MIB1: variants seen among roughly 807,000 people sequenced by gnomAD.
MIB1 encodes MIB E3 ubiquitin protein ligase 1.
A neutral mutation model predicts 124.5 loss-of-function variants in MIB1; 278 were observed. The observed-to-expected ratio is 2.23, with a 90% CI of 2.02 to 2.47. The LOEUF (loss-of-function observed/expected upper bound fraction) is 2.47. Ranked by LOEUF, MIB1 falls within the 30% of genes most tolerant of loss-of-function variation. The probability of loss-of-function intolerance (pLI) is 0.00; values close to 1 mark genes in which losing one functional copy is unlikely to be tolerated. For missense variants in MIB1, 957 were observed against 1,254.4 expected (o/e 0.76, Z 3.58); for synonymous variants, 446 against 429.4 (o/e 1.04, Z -0.48).
intron 1 of MIB1, among the ~76,000 whole-genome samples, chr18:21,744,097 G>GT (rs768951212): frequency 0.013 from 1,564 of 121,158 alleles, 11 homozygotes; most frequent in East Asian, 0.027. Context: ...ATTCTTCAGG[G>GT]TTTTTTTTTT....
chr18:21,739,531 G>A (rs766356408), upstream of MIB1, among the ~76,000 whole-genome samples: 18 of 151,990 alleles, frequency 1.2e-4, no homozygotes, highest in Non-Finnish European at 1.3e-4. Context: ...GATGAACATC[G>A]ATGCGAAAAT....
At chr18:21,728,451 C>T (rs1030590681) in intron 1 of MIB1, among the ~76,000 whole-genome samples, 1 of 152,054 alleles carries the variant, frequency 6.6e-6, no homozygotes, top group African/African-American at 2.4e-5. Context: ...CAAGATGGTG[C>T]CATTGCACTC....
chr18:21,757,646 G>A (rs2041049676), intron 1 of MIB1, among the ~76,000 whole-genome samples: 4 of 150,730 alleles, frequency 2.7e-5, no homozygotes, highest in Non-Finnish European at 4.4e-5. Flanking sequence ...CACCACGCCC[G>A]GCTGCTTTTT....
chr18:21,746,393 A>G (rs750012630), intron 1 of MIB1, among the ~76,000 whole-genome samples: 3 of 152,172 alleles, frequency 2.0e-5, no homozygotes, highest in Non-Finnish European at 4.4e-5. Flanking sequence ...TAGGATAGTT[A>G]AACTTTGCAG....
chr18:21,821,156 C>G (rs1457421952), intron 12 of MIB1, among the ~76,000 whole-genome samples: 1 of 152,178 alleles, frequency 6.6e-6, no homozygotes, highest in African/African-American at 2.4e-5. Context: ...GACTATTATA[C>G]TATTCTTCTA....
chr18:21,816,017 T>C (rs979746739), intron 11 of MIB1, among the ~76,000 whole-genome samples: 1 of 152,012 alleles, frequency 6.6e-6, no homozygotes, highest in Admixed American at 6.6e-5. Flanking sequence ...ATAGATTGGG[T>C]TTTGATTGGG....
In MIB1 at chr18:21,741,865, C is replaced by A; in HGVS notation, c.229+53C>A. The A allele has an allele frequency of 6.9e-7, 1 of 1,454,080 alleles. No homozygotes were observed. The allele number at this position is 1,454,080 out of a possible 1,614,324, so 90.1% of individuals were successfully genotyped here. ...TGCGCGCGCGGGGGGAAGGGGCGAG[C>A]TGCGGTGGGCGTCGGTGTCGCGGGG... is the stretch of plus-strand genomic sequence containing the variant. On this transcript the variant is annotated intron_variant, in intron 1 of 20. Coordinates refer to ENST00000261537, the MANE Select transcript of MIB1 (RefSeq NM_020774.4). The surrounding 1 kb of genome is among the most constrained non-coding windows in gnomAD (Gnocchi z 5.4).
intron 8 of MIB1, among the ~76,000 whole-genome samples, chr18:21,799,464 G>A (rs866724976): frequency 2.4e-4 from 37 of 152,054 alleles, no homozygotes; most frequent in African/African-American, 8.2e-4. Context: ...GTAGTATTGA[G>A]CTCTGAGAGT....
chr18:21,752,478 T>A (rs2040985415), intron 1 of MIB1, among the ~76,000 whole-genome samples: 2 of 152,256 alleles, frequency 1.3e-5, no homozygotes, highest in African/African-American at 4.8e-5. Flanking sequence ...ATGGATTAGA[T>A]AAATTTAAGT....
chr18:21,845,144 G>A (rs1873720535), intron 15 of MIB1, among the ~76,000 whole-genome samples: 1 of 152,022 alleles, frequency 6.6e-6, no homozygotes, highest in African/African-American at 2.4e-5. Context: ...CCAAGTAGCT[G>A]GGACTACAGG....
At chr18:21,854,201 C>T (rs1210389880) in intron 18 of MIB1, among the ~76,000 whole-genome samples, 1 of 152,092 alleles carries the variant, frequency 6.6e-6, no homozygotes, top group Non-Finnish European at 1.5e-5. Context: ...AAAAAGGACT[C>T]AGGTTACTTA....
intron 1 of MIB1, among the ~76,000 whole-genome samples, chr18:21,707,188 A>G (rs191687187): frequency 1.3e-5 from 2 of 152,300 alleles, no homozygotes; most frequent in East Asian, 3.9e-4. Flanking sequence ...AAGGTTTGTA[A>G]ACACACTAAT....
intron 6 of MIB1, among the ~76,000 whole-genome samples, chr18:21,783,230 C>A (rs566665356): frequency 6.6e-6 from 1 of 150,990 alleles, no homozygotes; most frequent in African/African-American, 2.4e-5. Context: ...TTTACCCATT[C>A]AGCCACTCTA....
chr18:21,828,223 A>G (rs1029230095), intron 12 of MIB1: 8 of 151,952 alleles, frequency 5.3e-5, no homozygotes, highest in Non-Finnish European at 7.4e-5. Flanking sequence ...GGAGAAAGCA[A>G]ATTCGAAGAT....
chr18:21,834,090 A>G (rs1156397284), intron 12 of MIB1, among the ~76,000 whole-genome samples: 1 of 152,104 alleles, frequency 6.6e-6, no homozygotes, highest in African/African-American at 2.4e-5. Context: ...TTAATTAACT[A>G]AAGTGCTGCA....
At chr18:21,758,151 G>A (rs1310487504) in intron 1 of MIB1, among the ~76,000 whole-genome samples, 1 of 152,178 alleles carries the variant, frequency 6.6e-6, no homozygotes, top group Non-Finnish European at 1.5e-5. Context: ...TAAATAAAAT[G>A]TGTGTAAAGA....
At chr18:21,816,211 C>A (rs1375838740) in intron 11 of MIB1, among the ~76,000 whole-genome samples, 1 of 151,940 alleles carries the variant, frequency 6.6e-6, no homozygotes, top group African/African-American at 2.4e-5. Flanking sequence ...TTTGAATAGT[C>A]GTTAGTGTAA....
chr18:21,709,288 G>C (rs571508255), intron 1 of MIB1, among the ~76,000 whole-genome samples: 1 of 147,370 alleles, frequency 6.8e-6, no homozygotes, highest in Non-Finnish European at 1.5e-5. Context: ...ACTGCACTAC[G>C]GCCTGGGCGA....
intron 6 of MIB1, among the ~76,000 whole-genome samples, chr18:21,786,803 C>A (rs2146436788): frequency 6.6e-6 from 1 of 152,248 alleles, no homozygotes; most frequent in Admixed American, 6.5e-5. Context: ...AACATCATTT[C>A]CATCTCTGTT....
Sources: gnomAD v4.1 joint callset for allele counts (sites outside exome capture counted in the v4.1 genomes callset) on GRCh38, gnomAD v4.1.1 for gene constraint, Gnocchi (gnomAD v3.1) non-coding constraint, MANE v1.5 for transcripts, NCBI Gene and HGNC (gene_info 2026-07-23, HGNC 2026-07-21) for gene names.